The following SMOC2 variants were observed in gnomAD, a reference collection of about 807,000 sequenced individuals.
The protein encoded by SMOC2 is SPARC related modular calcium binding 2.
In SMOC2, 39 loss-of-function variants were observed where a neutral mutation model predicts 61.4. The ratio of observed to expected loss-of-function variants is 0.64; its 90% CI spans 0.49 to 0.83. SMOC2 has a LOEUF of 0.83. Ranked by LOEUF, SMOC2 falls within the 40% of genes least tolerant of loss-of-function variation. The probability of loss-of-function intolerance (pLI) is 0.00; values close to 1 mark genes in which losing one functional copy is unlikely to be tolerated. For synonymous variants in SMOC2, 247 were observed against 239.9 expected (o/e 1.03, Z -0.27); for missense variants, 556 against 592.9 (o/e 0.94, Z 0.65).
intron 9 of SMOC2, among the ~76,000 whole-genome samples, chr6:168,647,850 C>G (rs1488853894): frequency 6.6e-6 from 1 of 152,100 alleles, no homozygotes; most frequent in Non-Finnish European, 1.5e-5. Flanking sequence ...TATTCCAGGT[C>G]CTGGGGTGAC....
chr6:168,647,853 G>A (rs976333714), intron 9 of SMOC2, among the ~76,000 whole-genome samples: 1 of 152,080 alleles, frequency 6.6e-6, no homozygotes, highest in African/African-American at 2.4e-5. Context: ...TCCAGGTCCT[G>A]GGGTGACTGT....
At chr6:168,508,813 G>A (rs760184630) in intron 1 of SMOC2, among the ~76,000 whole-genome samples, 6 of 152,220 alleles carry the variant, frequency 3.9e-5, no homozygotes, top group East Asian at 1.9e-4. Context: ...AGAGGGCCAC[G>A]TACTACCATA....
chr6:168,441,249 A>G lies in SMOC2; in HGVS notation c.-122A>G, dbSNP rs1781197371. The G allele has an allele frequency of 4.5e-6, 6 of 1,342,252 alleles. No individual in the cohort carries two copies. The highest frequency in any genetic ancestry group is 5.7e-6 in the Non-Finnish European group (6 of 1,051,228). 83.1% of individuals were successfully genotyped at this position (1,342,252 alleles called of 1,614,324 possible). Reference sequence around the variant, plus strand: ...AGCCGGGCCGCCGGGAGCGGTGGGGAGAGCATCGCGGAGCCGCCCCTCCAC... The same window carrying G: ...AGCCGGGCCGCCGGGAGCGGTGGGGGGAGCATCGCGGAGCCGCCCCTCCAC... On this transcript the variant is annotated 5_prime_UTR_variant, in exon 1 of 13. Transcript: ENST00000356284.
intron 7 of SMOC2, among the ~76,000 whole-genome samples, chr6:168,566,074 A>G (rs1784534332): frequency 1.3e-5 from 2 of 152,236 alleles, no homozygotes; most frequent in Admixed American, 1.3e-4. Context: ...GGACCATCCA[A>G]GCATAGTTGA....
intron 1 of SMOC2, among the ~76,000 whole-genome samples, chr6:168,445,843 G>A (rs1020606883): frequency 6.6e-6 from 1 of 152,164 alleles, no homozygotes; most frequent in African/African-American, 2.4e-5. Context: ...AATCAAGACC[G>A]TAAATAACAC....
chr6:168,663,011 C>A (rs990154366), intron 11 of SMOC2, among the ~76,000 whole-genome samples: 1 of 152,184 alleles, frequency 6.6e-6, no homozygotes, highest in Non-Finnish European at 1.5e-5. Context: ...ATGGAGATAA[C>A]GAAGTTGGAT....
chr6:168,523,079 A>ATTCTTTTTTTTTTTTTTTTT lies in SMOC2; in HGVS notation c.257-3265_257-3264insCTTTTTTTTTTTTTTTTTTT, dbSNP rs551183247. ...TTATGTTATTTGTAGTTGTACAGTAATTTTTTTTTTTTTTTTTTTTGAGAC... is the reference window on the plus strand; with the variant it reads ...TTATGTTATTTGTAGTTGTACAGTAATTCTTTTTTTTTTTTTTTTTTTTTTTTTTTTTTTTTTTTTGAGAC... On this transcript the variant is annotated intron_variant, in intron 2 of 12. Coordinates refer to ENST00000356284, the MANE Select transcript of SMOC2 (RefSeq NM_001166412.2). 7.5e-5 allele frequency among the ~76,000 whole-genome samples: 7 copies of ATTCTTTTTTTTTTTTTTTTT among 93,694 alleles called. 2 individuals are homozygous for ATTCTTTTTTTTTTTTTTTTT. Among genetic ancestry groups the ATTCTTTTTTTTTTTTTTTTT allele is most frequent in the Non-Finnish European group, 1.5e-4 (7 of 45,378 alleles). The allele number at this position is 93,694 out of a possible 152,430, so 61.5% of individuals were successfully genotyped here.
chr6:168,578,420 A>G (rs139676122), intron 7 of SMOC2, among the ~76,000 whole-genome samples: 1 of 152,326 alleles, frequency 6.6e-6, no homozygotes, highest in Non-Finnish European at 1.5e-5. Flanking sequence ...AATTCCATTG[A>G]GGTAGGAGAC....
rs896014652 is a variant in SMOC2, at chr6:168,607,761, G to A, written c.825-396G>A. ...CTCGTGCACACACTCCTGCTCTGAC[G>A]AAACAACCCAAGTGCTTCCTCCATC... is the stretch of plus-strand genomic sequence containing the variant. On this transcript the variant is annotated intron_variant, in intron 8 of 12. Transcript: ENST00000356284. 4.6e-5 allele frequency among the ~76,000 whole-genome samples: 7 copies of A among 152,312 alleles called. No homozygotes were observed. The East Asian group carries it at 7.7e-4, about 17-fold the overall frequency.
At chr6:168,631,832 T>A (rs1401378435) in intron 9 of SMOC2, among the ~76,000 whole-genome samples, 1 of 152,110 alleles carries the variant, frequency 6.6e-6, no homozygotes, top group Non-Finnish European at 1.5e-5. Flanking sequence ...GTGCATGAGG[T>A]CTTTCTTCAG....
chr6:168,639,415 T>C (rs1786834592), intron 9 of SMOC2, among the ~76,000 whole-genome samples: 1 of 152,178 alleles, frequency 6.6e-6, no homozygotes. Flanking sequence ...CCGTTGTACA[T>C]GTTTTTGAGG....
chr6:168,609,053 T>G (rs1238001663), intron 9 of SMOC2, among the ~76,000 whole-genome samples: 2 of 152,266 alleles, frequency 1.3e-5, no homozygotes, highest in African/African-American at 4.8e-5. Context: ...GATGTTCGGC[T>G]TATAAATGAG....
chr6:168,468,215 C>A (rs146818033), intron 1 of SMOC2, among the ~76,000 whole-genome samples: 1 of 152,132 alleles, frequency 6.6e-6, no homozygotes, highest in Non-Finnish European at 1.5e-5. Context: ...GGATTTATAT[C>A]GAGGGACACA....
chr6:168,555,170 G>C (rs2115114745), intron 7 of SMOC2, among the ~76,000 whole-genome samples: 1 of 152,324 alleles, frequency 6.6e-6, no homozygotes, highest in Non-Finnish European at 1.5e-5. Flanking sequence ...TCCTTCTTCG[G>C]TAACATGTCT....
intron 7 of SMOC2, among the ~76,000 whole-genome samples, chr6:168,562,408 TCATTTTCATACCCTGAGACAC>T (rs2115127333): frequency 8.0e-6 from 1 of 124,900 alleles, no homozygotes; most frequent in Non-Finnish European, 1.8e-5. Flanking sequence ...GGAGGAGGTG[TCATTTTCATACCCTGAGACAC>T]GAGGCTCTCA....
At chr6:168,595,588 T>C (rs4708755) in intron 7 of SMOC2, among the ~76,000 whole-genome samples, 94,212 of 151,860 alleles carry the variant, frequency 0.62, 29,692 homozygotes, top group Middle Eastern at 0.71. Flanking sequence ...ATCTTCTGCC[T>C]CCACTGTGGC....
rs7766934 is a variant in SMOC2 at position 168,666,926 on chromosome 6, G to T, written c.*488G>T. On this transcript the variant is annotated 3_prime_UTR_variant, in exon 13 of 13. Coordinates refer to ENST00000356284, the MANE Select transcript of SMOC2 (RefSeq NM_001166412.2). ...GCTGGTTTGTTTCTTGGGATTTTCT[G>T]TTAGTTTGTCTTGTTTTGCTTTCCA... 0.03 allele frequency: 4,592 copies of T among 154,460 alleles called. 256 individuals are homozygous for T. Among genetic ancestry groups the T allele is most frequent in the African/African-American group, 0.1 (4,332 of 41,570 alleles). The allele number at this position is 154,460 out of a possible 1,614,324, so 9.6% of individuals were successfully genotyped here.
rs2115299886 is a variant in SMOC2 at position 168,667,707 on chromosome 6, T to G, written c.*1269T>G. The G allele has an allele frequency of 6.6e-6, 1 of 152,272 alleles. No individual in the cohort carries two copies. The highest frequency in any genetic ancestry group is 2.1e-4 in the South Asian group (1 of 4,820). The allele number at this position is 152,272 out of a possible 1,614,324, so 9.4% of individuals were successfully genotyped here. A position where few individuals can be genotyped will look rare whatever the true frequency, so the allele number is the denominator to read the frequency against. ...GCTGTGATTCTATCTCGGCTCAGAC[T>G]TTTGGTTGGAAAAAGATCTTCATGG... On this transcript the variant is annotated 3_prime_UTR_variant, in exon 13 of 13. Coordinates refer to ENST00000356284, the MANE Select transcript of SMOC2 (RefSeq NM_001166412.2).
At chr6:168,530,647 C>CCA (rs1193491593) in intron 4 of SMOC2, among the ~76,000 whole-genome samples, 1 of 132,978 alleles carries the variant, frequency 7.5e-6, no homozygotes, top group East Asian at 2.2e-4. Context: ...ACCCCCCCCC[C>CCA]CCCGCCCCCA....
Sources: gnomAD v4.1 joint callset for allele counts (sites outside exome capture counted in the v4.1 genomes callset) on GRCh38, gnomAD v4.1.1 for gene constraint, MANE v1.5 for transcripts, NCBI Gene and HGNC (gene_info 2026-07-23, HGNC 2026-07-21) for gene names.